The following EML1 variants were observed in gnomAD, a reference collection of about 807,000 sequenced individuals.
The protein encoded by EML1 is echinoderm microtubule-associated protein-like 1.
EML1 carries 27 observed loss-of-function variants against 110.4 expected under a neutral mutation model. That is an observed-to-expected ratio of 0.24 (90% confidence interval 0.18 to 0.34). The LOEUF (loss-of-function observed/expected upper bound fraction) is 0.34. Among genes scored for constraint, EML1 ranks in the 10% least tolerant of loss-of-function variants. The pLI is 1.00. For synonymous variants in EML1, 344 were observed against 385.8 expected (o/e 0.89, Z 1.27); for missense variants, 741 against 1,030.9 (o/e 0.72, Z 3.85).
intron 17 of EML1, among the ~76,000 whole-genome samples, chr14:99,925,092 C>G (rs1029250295): frequency 6.6e-6 from 1 of 152,060 alleles, no homozygotes; most frequent in Non-Finnish European, 1.5e-5. Flanking sequence ...CCTTACAGAG[C>G]AAATTAGGAA....
In EML1 at chr14:99,853,301, G is replaced by C. The variant is rs1431527946; in HGVS notation, c.250+2266G>C. On this transcript the variant is annotated intron_variant, in intron 2 of 21. Transcript: ENST00000262233. ...GAATGGGCTGCATCCCCTGAGTGGA[G>C]GGACCTTGGGCTCTCTACTTTCTGT... Among the ~76,000 whole-genome samples the C allele has an allele frequency of 2.6e-5, 4 of 152,294 alleles. No homozygotes were observed. The East Asian group carries it at 7.7e-4, about 29-fold the overall frequency.
upstream of EML1, among the ~76,000 whole-genome samples, chr14:99,788,625 C>T (rs557775937): frequency 1.6e-3 from 240 of 151,838 alleles, 1 homozygote; most frequent in Non-Finnish European, 2.7e-3. Context: ...AAAATATCTC[C>T]CTAATATGTG....
chr14:99,879,341 G>A (rs1312537625), intron 4 of EML1, among the ~76,000 whole-genome samples: 1 of 152,098 alleles, frequency 6.6e-6, no homozygotes, highest in Non-Finnish European at 1.5e-5. Flanking sequence ...ACCTAACATT[G>A]TACTTTGTTC....
chr14:99,920,983 G>A lies in EML1; in HGVS notation c.1909+106G>A. 2 of 1,055,860 alleles carry A rather than the reference G, an allele frequency of 1.9e-6. 1 individual carries two copies. Among genetic ancestry groups the A allele is most frequent in the South Asian group, 3.0e-5 (2 of 65,752 alleles). The allele number at this position is 1,055,860 out of a possible 1,614,324, so 65.4% of individuals were successfully genotyped here. ...CGGTTTGTTACATAGGTAAACGTGT[G>A]CCATGGTGGTTTAACGCACAGATCA... On this transcript the variant is annotated intron_variant, in intron 17 of 21. Transcript: ENST00000262233.
chr14:99,880,810 C>T (rs181316264), intron 4 of EML1, among the ~76,000 whole-genome samples: 45 of 152,186 alleles, frequency 3.0e-4, no homozygotes, highest in African/African-American at 1.0e-3. Context: ...ACCTAATGCC[C>T]TTGAATCTTA....
chr14:99,895,193 G>C (rs1325262684), intron 6 of EML1, among the ~76,000 whole-genome samples: 1 of 152,176 alleles, frequency 6.6e-6, no homozygotes, highest in Non-Finnish European at 1.5e-5. Context: ...GAAGTGAACA[G>C]TGAAAATAAT....
At chr14:99,794,301 C>T (rs953104229) in intron 1 of EML1, among the ~76,000 whole-genome samples, 3 of 150,742 alleles carry the variant, frequency 2.0e-5, no homozygotes, top group South Asian at 2.1e-4. Flanking sequence ...TTTATCAGAA[C>T]ATGATGTGTG....
At position 99,939,424 on chromosome 14, in the gene EML1, T is replaced by C. The variant is rs2060538287; in HGVS notation, c.2322+97T>C. ...TAAGTGGAAATGGGCTGTGAGCGACTGCTGCCAGCCACAAAGGCAGATGTG... is the reference window on the plus strand; with the variant it reads ...TAAGTGGAAATGGGCTGTGAGCGACCGCTGCCAGCCACAAAGGCAGATGTG... On this transcript the variant is annotated intron_variant, in intron 21 of 21. Coordinates refer to ENST00000262233, the MANE Select transcript of EML1 (RefSeq NM_004434.3). This position sits in a 1 kb window ranked among gnomAD's most constrained non-coding sequence, Gnocchi z 4.2. 1 of 1,533,662 alleles carries C rather than the reference T, an allele frequency of 6.5e-7. No individual in the cohort carries two copies. The highest frequency in any genetic ancestry group is 8.8e-7 in the Non-Finnish European group (1 of 1,133,256).
chr14:99,868,694 GTCTT>G (rs1310723142), intron 3 of EML1, among the ~76,000 whole-genome samples: 3 of 151,668 alleles, frequency 2.0e-5, no homozygotes, highest in Non-Finnish European at 4.4e-5. Flanking sequence ...TAAATTTTCT[GTCTT>G]TCTTTGTTAG....
rs2140135425 is a variant in EML1 at position 99,936,650 on chromosome 14, G to T, written c.2095+316G>T. Among the ~76,000 whole-genome samples, 1 of 152,200 alleles carries T rather than the reference G, an allele frequency of 6.6e-6. No individual in the cohort carries two copies. The highest frequency in any genetic ancestry group is 2.1e-4 in the South Asian group (1 of 4,822). ...GAAGGGGGCGGGTCCGGGTGGATGT[G>T]GCCGAAGTGGGTGGGTCCGGAGCTG... On this transcript the variant is annotated intron_variant, in intron 19 of 21. Transcript: ENST00000262233. The surrounding 1 kb of genome is among the most constrained non-coding windows in gnomAD (Gnocchi z 5.5).
intron 1 of EML1, among the ~76,000 whole-genome samples, chr14:99,799,442 C>G (rs771331926): frequency 6.6e-6 from 1 of 152,190 alleles, no homozygotes; most frequent in East Asian, 1.9e-4. Flanking sequence ...CCAAACTCAA[C>G]GCTCCGAAGT....
intron 19 of EML1, among the ~76,000 whole-genome samples, chr14:99,937,420 A>T (rs1233159808): frequency 6.6e-6 from 1 of 151,854 alleles, no homozygotes; most frequent in Non-Finnish European, 1.5e-5. Flanking sequence ...AATAACCTCC[A>T]TTCCTGACAC....
intron 1 of EML1, among the ~76,000 whole-genome samples, chr14:99,741,626 C>T (rs7146018): frequency 0.74 from 111,808 of 151,106 alleles, 44,075 homozygotes; most frequent in South Asian, 0.91. Flanking sequence ...CTTTTTGCGC[C>T]CACCCCCCCC....
chr14:99,776,187 T>C (rs1243272590), intron 1 of EML1, among the ~76,000 whole-genome samples: 1 of 152,150 alleles, frequency 6.6e-6, no homozygotes, highest in Non-Finnish European at 1.5e-5. Context: ...ATGTTTGTTA[T>C]AAATGGAGGA....
At chr14:99,879,823 GCTT>G (rs898509408) in intron 4 of EML1, among the ~76,000 whole-genome samples, 2 of 152,180 alleles carry the variant, frequency 1.3e-5, no homozygotes, top group Non-Finnish European at 2.9e-5. Flanking sequence ...GTAGCCCAAA[GCTT>G]CTTTGAATTC....
rs974079589 is a variant in EML1, at chr14:99,927,833, A to G, written c.1909+6956A>G. Among the ~76,000 whole-genome samples the G allele has an allele frequency of 7.0e-3, 147 of 21,030 alleles. 1 individual carries two copies. Among genetic ancestry groups the G allele is most frequent in the Non-Finnish European group, 8.1e-3 (98 of 12,108 alleles). The allele number at this position is 21,030 out of a possible 152,430, so 13.8% of individuals were successfully genotyped here. A position where few individuals can be genotyped will look rare whatever the true frequency, so the allele number is the denominator to read the frequency against. On this transcript the variant is annotated intron_variant, in intron 17 of 21. Coordinates refer to ENST00000262233, the MANE Select transcript of EML1 (RefSeq NM_004434.3). ...GTGGGGGGGTGGTGGTGGTGGTGGT[A>G]TTGGTGGTGGTGATGGTGGTGGTGG...
chr14:99,939,391 T>G lies in EML1; in HGVS notation c.2322+64T>G. On this transcript the variant is annotated intron_variant, in intron 21 of 21. Transcript: ENST00000262233. This position sits in a 1 kb window ranked among gnomAD's most constrained non-coding sequence, Gnocchi z 4.2. ...GGGCATGCACGTACACCCGACCTGT[T>G]TGGAGACTAAGTGGAAATGGGCTGT... 6.3e-7 allele frequency: 1 copy of G among 1,592,482 alleles called. No individual in the cohort carries two copies. Among genetic ancestry groups the G allele is most frequent in the Non-Finnish European group, 8.6e-7 (1 of 1,166,938 alleles).
chr14:99,909,228 C>G, intron 10 of EML1, 117 bp from the exon 11 acceptor site: 1 of 1,446,250 alleles, frequency 6.9e-7, no homozygotes, highest in Non-Finnish European at 9.7e-7. Flanking sequence ...AAATAATAGG[C>G]ATTGTGCTTG....
upstream of EML1, among the ~76,000 whole-genome samples, chr14:99,789,842 G>T (rs1447718829): frequency 6.6e-6 from 1 of 152,130 alleles, no homozygotes; most frequent in African/African-American, 2.4e-5. Flanking sequence ...TTATTACAAT[G>T]ACAACATTTT....
Sources: allele counts gnomAD v4.1 joint callset (sites outside exome capture counted in the v4.1 genomes callset), GRCh38; gene constraint gnomAD v4.1.1; non-coding constraint Gnocchi (gnomAD v3.1); transcripts MANE v1.5; gene names NCBI Gene and HGNC (gene_info 2026-07-23, HGNC 2026-07-21).